The following ADD2 variants were observed in gnomAD, a reference collection of about 807,000 sequenced individuals.
ADD2 encodes the protein beta-adducin.
Under a neutral mutation model 83.0 loss-of-function variants are expected in ADD2, and 23 were observed. The ratio of observed to expected loss-of-function variants is 0.28; its 90% CI spans 0.20 to 0.39. The LOEUF (loss-of-function observed/expected upper bound fraction) is 0.39. Among genes scored for constraint, ADD2 ranks in the 10% least tolerant of loss-of-function variants. The pLI is 1.00. For missense variants in ADD2, 758 were observed against 944.9 expected (o/e 0.80, Z 2.59); for synonymous variants, 375 against 375.4 (o/e 1.00, Z 0.01).
chr2:70,679,567 A>G (rs782363630), intron 10 of ADD2, among the ~76,000 whole-genome samples: 4 of 152,108 alleles, frequency 2.6e-5, no homozygotes, highest in Non-Finnish European at 5.9e-5. Context: ...GAGAACAAAC[A>G]TTCTGGAATC....
chr2:70,704,284 C>CCCCCCAGGG, intron 4 of ADD2, 37 bp downstream of exon 4: 1 of 1,560,602 alleles, frequency 6.4e-7, no homozygotes. Context: ...CCCTCCCCTC[C>CCCCCCAGGG]ACCTCTGCTC....
chr2:70,725,257 C>T (rs944800702), intron 1 of ADD2, among the ~76,000 whole-genome samples: 4 of 152,122 alleles, frequency 2.6e-5, no homozygotes, highest in African/African-American at 9.7e-5. Flanking sequence ...TCTTATTTGA[C>T]AGTTTACAGT....
chr2:70,759,870 G>A (rs1674991483), intron 1 of ADD2, among the ~76,000 whole-genome samples: 1 of 152,158 alleles, frequency 6.6e-6, no homozygotes, highest in African/African-American at 2.4e-5. Context: ...AGTGCTGATA[G>A]ATTTCCCACG....
chr2:70,725,718 C>G (rs1454608597), intron 1 of ADD2, among the ~76,000 whole-genome samples: 2 of 152,078 alleles, frequency 1.3e-5, no homozygotes, highest in African/African-American at 4.8e-5. Flanking sequence ...GAGCACAGCC[C>G]TACCGACACC....
chr2:70,689,045 C>G (rs917454493), intron 8 of ADD2, among the ~76,000 whole-genome samples: 1 of 152,030 alleles, frequency 6.6e-6, no homozygotes, highest in Admixed American at 6.5e-5. Flanking sequence ...CTGCAGTGAG[C>G]TGAGATCGCA....
chr2:70,699,169 T>C (rs1671459798), intron 4 of ADD2, among the ~76,000 whole-genome samples: 1 of 152,008 alleles, frequency 6.6e-6, no homozygotes, highest in Non-Finnish European at 1.5e-5. Context: ...ATGACAGATT[T>C]GGGAGATAAA....
At chr2:70,740,569 G>T (rs1673830975) in intron 1 of ADD2, among the ~76,000 whole-genome samples, 1 of 152,158 alleles carries the variant, frequency 6.6e-6, no homozygotes, top group South Asian at 2.1e-4. Context: ...TTCATTCTAG[G>T]AGAAGCATCA....
chr2:70,728,999 T>C (rs782464429), intron 1 of ADD2, among the ~76,000 whole-genome samples: 1 of 152,264 alleles, frequency 6.6e-6, no homozygotes, highest in African/African-American at 2.4e-5. Flanking sequence ...CCAGCTCTCA[T>C]TGAATGTCAG....
chr2:70,684,702 G>A (rs1288968420), intron 9 of ADD2, among the ~76,000 whole-genome samples: 3 of 152,220 alleles, frequency 2.0e-5, no homozygotes, highest in African/African-American at 7.2e-5. Flanking sequence ...CCAGAGAAAG[G>A]AGACAGATAA....
chr2:70,675,957 T>C lies in ADD2; in HGVS notation c.1593+839A>G, dbSNP rs1422784726. The C allele has an allele frequency of 6.1e-6, 6 of 985,364 alleles. No individual in the cohort carries two copies. In the Admixed American group the frequency reaches 2.5e-4, roughly 40 times the overall value. The allele number at this position is 985,364 out of a possible 1,614,324, so 61.0% of individuals were successfully genotyped here. A position where few individuals can be genotyped will look rare whatever the true frequency, so the allele number is the denominator to read the frequency against. ...GCGGGATATTCAGTGTTCCCCATCTTGGCTGAGTTGGGGTTGGGGGGAGGT... is the reference window on the plus strand; with the variant it reads ...GCGGGATATTCAGTGTTCCCCATCTCGGCTGAGTTGGGGTTGGGGGGAGGT... On this transcript the variant is annotated intron_variant, in intron 13 of 15. Transcript: ENST00000264436.
rs1453356480 is a variant in ADD2, at chr2:70,659,589, C to T, written c.*3836G>A. On this transcript the variant is annotated 3_prime_UTR_variant, in exon 16 of 16. Coordinates refer to ENST00000264436, the MANE Select transcript of ADD2 (RefSeq NM_001617.4). ...ACTTATCTGTTCACAGAGGAAGAAC[C>T]CTGTTTTAGTTATAGGAGAGTGGAG... The T allele has an allele frequency of 2.6e-5, 4 of 152,146 alleles. No individual in the cohort carries two copies. The highest frequency in any genetic ancestry group is 4.4e-5 in the Non-Finnish European group (3 of 68,042). 9.4% of individuals were successfully genotyped at this position (152,146 alleles called of 1,614,324 possible). A position where few individuals can be genotyped will look rare whatever the true frequency, so the allele number is the denominator to read the frequency against.
chr2:70,688,997 C>T lies in ADD2; in HGVS notation c.850-875G>A, dbSNP rs927497738. On this transcript the variant is annotated intron_variant, in intron 8 of 15. Transcript: ENST00000264436. ...GGGCCTGCCTGTAGTCCCAGCTACT[C>T]GGGAGGGTGAGGTGGGAGGATCACT... Among the ~76,000 whole-genome samples the T allele has an allele frequency of 5.9e-5, 9 of 151,914 alleles. No individual in the cohort carries two copies. The South Asian group carries it at 1.3e-3, about 21-fold the overall frequency.
intron 1 of ADD2, among the ~76,000 whole-genome samples, chr2:70,728,396 C>CAG (rs1404088427): frequency 6.6e-6 from 1 of 152,192 alleles, no homozygotes; most frequent in African/African-American, 2.4e-5. Flanking sequence ...CAGCGGGGGT[C>CAG]AGTCTGCACC....
intron 1 of ADD2, among the ~76,000 whole-genome samples, chr2:70,752,272 T>C (rs139677725): frequency 8.2e-4 from 125 of 152,320 alleles, no homozygotes; most frequent in Non-Finnish European, 1.1e-3. Context: ...ACTGCAGGTC[T>C]ATGTAGGGTT....
At chr2:70,724,477 C>T (rs879981085) in intron 1 of ADD2, among the ~76,000 whole-genome samples, 3 of 152,174 alleles carry the variant, frequency 2.0e-5, no homozygotes, top group Non-Finnish European at 4.4e-5. Context: ...CTGCCCCCGC[C>T]CACCCTCACA....
chr2:70,664,720 AGTGT>A (rs1179233010), intron 15 of ADD2, among the ~76,000 whole-genome samples: 6 of 150,296 alleles, frequency 4.0e-5, no homozygotes, highest in South Asian at 2.1e-4. Context: ...AGTGTGTACA[AGTGT>A]GTGTGAGTGT....
chr2:70,765,573 G>A (rs1023279966), intron 1 of ADD2, among the ~76,000 whole-genome samples: 9 of 152,194 alleles, frequency 5.9e-5, no homozygotes, highest in Non-Finnish European at 1.3e-4. Context: ...TTTGTTCCCA[G>A]TACGTCTTAC....
chr2:70,738,431 T>C (rs1489345075), intron 1 of ADD2, among the ~76,000 whole-genome samples: 2 of 152,208 alleles, frequency 1.3e-5, no homozygotes, highest in African/African-American at 2.4e-5. Flanking sequence ...TAGGCACTTG[T>C]CTTTGCTACT....
chr2:70,719,505 C>A (rs193104289), intron 1 of ADD2, among the ~76,000 whole-genome samples: 74 of 152,328 alleles, frequency 4.9e-4, no homozygotes, highest in African/African-American at 1.7e-3. Flanking sequence ...GATCACAAAA[C>A]CATGTGGACC....
Sources: gnomAD v4.1 joint callset for allele counts (sites outside exome capture counted in the v4.1 genomes callset) on GRCh38, gnomAD v4.1.1 for gene constraint, MANE v1.5 for transcripts, NCBI Gene and HGNC (gene_info 2026-07-23, HGNC 2026-07-21) for gene names.